The following NHLRC2 variants were observed in gnomAD, a reference collection of about 807,000 sequenced individuals.
NHLRC2 encodes NHL repeat containing 2.
Under a neutral mutation model 68.1 loss-of-function variants are expected in NHLRC2, and 33 were observed. The ratio of observed to expected loss-of-function variants is 0.48; its 90% CI spans 0.37 to 0.65. The LOEUF (loss-of-function observed/expected upper bound fraction) is 0.65. Ranked by LOEUF, NHLRC2 falls within the 30% of genes least tolerant of loss-of-function variation. The pLI is 0.00. For synonymous variants in NHLRC2, 311 were observed against 309.6 expected (o/e 1.00, Z -0.05); for missense variants, 761 against 853.8 (o/e 0.89, Z 1.35).
intron 1 of NHLRC2, 49 bp from the exon 2 acceptor site, chr10:113,858,479 A>G (rs1845782675): frequency 1.5e-6 from 2 of 1,376,796 alleles, no homozygotes; most frequent in African/African-American, 2.9e-5. Context: ...TTTTAGGTAA[A>G]TTTTATCTTT....
At chr10:113,896,886 C>T (rs1378802029) in intron 5 of NHLRC2, among the ~76,000 whole-genome samples, 3 of 150,702 alleles carry the variant, frequency 2.0e-5, no homozygotes, top group African/African-American at 4.9e-5. Flanking sequence ...CCCAGCTACT[C>T]GGGAGGCTGA....
chr10:113,879,507 T>G, intron 3 of NHLRC2, 67 bp from the exon 4 acceptor site: 2 of 1,287,366 alleles, frequency 1.6e-6, no homozygotes, highest in African/African-American at 1.5e-5. Flanking sequence ...TAAATACAAG[T>G]TTGTTTTGTT....
At chr10:113,876,368 T>G (rs1445412455) in intron 2 of NHLRC2, among the ~76,000 whole-genome samples, 153 bp from the exon 3 acceptor site, 1 of 152,164 alleles carries the variant, frequency 6.6e-6, no homozygotes, top group Non-Finnish European at 1.5e-5. Flanking sequence ...TTATGTGTGT[T>G]AAAATGCAGT....
At chr10:113,883,910 A>G (rs928999410) in intron 4 of NHLRC2, among the ~76,000 whole-genome samples, 4 of 151,848 alleles carry the variant, frequency 2.6e-5, no homozygotes, top group Non-Finnish European at 4.4e-5. Context: ...TGTGCATTTA[A>G]TTTTTAGAAA....
At chr10:113,877,761 T>TC (rs541649672) in intron 3 of NHLRC2, among the ~76,000 whole-genome samples, 63 of 152,300 alleles carry the variant, frequency 4.1e-4, no homozygotes, top group African/African-American at 1.4e-3. Flanking sequence ...AGTAGAAATG[T>TC]CTGTGTTCCT....
chr10:113,901,772 T>C lies in NHLRC2; in HGVS notation c.1246T>C (p.Ser416Pro). Residue 416 changes from serine to proline, a missense_variant, in exon 7 of 11, where the codon TCC becomes CCC. Ser to Pro is a moderately conservative substitution (Grantham distance 74, BLOSUM62 -1). Transcript: ENST00000369301. ...KAGFAQPSGL[S>P]LASEDPWSCL... ...AGGTTTTGCCCAACCTTCAGGCCTT[T>C]CCTTGGCCTCTGAAGATCCCTGGAG... The C allele has an allele frequency of 6.2e-7, 1 of 1,614,008 alleles. No individual in the cohort carries two copies. The highest frequency in any genetic ancestry group is 8.5e-7 in the Non-Finnish European group (1 of 1,179,854).
intron 8 of NHLRC2, 116 bp downstream of exon 8, chr10:113,902,709 C>A: frequency 1.1e-6 from 1 of 874,830 alleles, no homozygotes; most frequent in Non-Finnish European, 1.8e-6. Flanking sequence ...GAGTAACAGT[C>A]TTTGACAACT....
chr10:113,862,072 A>T (rs1845821024), intron 2 of NHLRC2, among the ~76,000 whole-genome samples: 1 of 151,968 alleles, frequency 6.6e-6, no homozygotes, highest in Non-Finnish European at 1.5e-5. Flanking sequence ...GACAGGTTTT[A>T]CTATGTTGGC....
intron 2 of NHLRC2, among the ~76,000 whole-genome samples, chr10:113,865,287 C>A (rs374282759): frequency 3.6e-5 from 5 of 139,686 alleles, no homozygotes; most frequent in Non-Finnish European, 7.8e-5. Context: ...TTCATCCCCC[C>A]CCCCCGTTCC....
rs974123934 is a variant in NHLRC2 at position 113,854,761 on chromosome 10, T to C, written c.-112T>C. ...TGTCATTGGCGTGGAGTGGGGCTAG[T>C]GGAGGGTGAGGTGAATGCGCCGTTT... On this transcript the variant is annotated 5_prime_UTR_variant, in exon 1 of 11. Transcript: ENST00000369301. 6.2e-6 allele frequency: 5 copies of C among 809,280 alleles called. No individual in the cohort carries two copies. Among genetic ancestry groups the C allele is most frequent in the Non-Finnish European group, 9.5e-6 (5 of 525,112 alleles). 50.1% of individuals were successfully genotyped at this position (809,280 alleles called of 1,614,324 possible). A position where few individuals can be genotyped will look rare whatever the true frequency, so the allele number is the denominator to read the frequency against.
intron 5 of NHLRC2, among the ~76,000 whole-genome samples, chr10:113,895,173 A>G (rs1274714258): frequency 2.0e-5 from 3 of 152,228 alleles, no homozygotes; most frequent in East Asian, 3.8e-4. Context: ...GAGATGAATC[A>G]TTAGTACTAT....
intron 1 of NHLRC2, among the ~76,000 whole-genome samples, chr10:113,855,790 C>T (rs1459860406): frequency 1.3e-5 from 2 of 152,192 alleles, no homozygotes; most frequent in African/African-American, 4.8e-5. Context: ...TGAGCCACCG[C>T]GCCCGGCCTG....
In NHLRC2 at chr10:113,903,658, T is replaced by C. The variant is rs780308376; in HGVS notation, c.1626T>C (p.Asn542=). ...NEPGGLCIGE[N]GELLYVADTN... ...CAGGAGGCTTGTGTATTGGAGAGAATGGAGAATTATTATATGTAGCAGACA... is the reference window on the plus strand; with the variant it reads ...CAGGAGGCTTGTGTATTGGAGAGAACGGAGAATTATTATATGTAGCAGACA... Residue 542 remains asparagine (N), a synonymous_variant, in exon 9 of 11, where the codon AAT becomes AAC. Transcript: ENST00000369301. 1 of 1,605,822 alleles carries C rather than the reference T, an allele frequency of 6.2e-7. No homozygotes were observed. Among genetic ancestry groups the C allele is most frequent in the East Asian group, 2.2e-5 (1 of 44,736 alleles).
chr10:113,862,484 C>CAA (rs538717470), intron 2 of NHLRC2, among the ~76,000 whole-genome samples: 11 of 130,930 alleles, frequency 8.4e-5, no homozygotes, highest in South Asian at 4.8e-4. Flanking sequence ...ATCAACTAAA[C>CAA]AAAAAAAAAA....
intron 2 of NHLRC2, among the ~76,000 whole-genome samples, chr10:113,862,115 T>G (rs1243420760): frequency 6.6e-6 from 1 of 152,170 alleles, no homozygotes; most frequent in Non-Finnish European, 1.5e-5. Flanking sequence ...CCTCACATGA[T>G]TCGCCCATCT....
intron 4 of NHLRC2, among the ~76,000 whole-genome samples, chr10:113,880,044 C>G (rs1427114427): frequency 6.6e-6 from 1 of 151,980 alleles, no homozygotes; most frequent in Admixed American, 6.6e-5. Context: ...GAAAAAAAAT[C>G]CTACCATTCC....
intron 10 of NHLRC2, among the ~76,000 whole-genome samples, chr10:113,905,815 T>C (rs530200405): frequency 6.6e-6 from 1 of 152,262 alleles, no homozygotes; most frequent in East Asian, 1.9e-4. Flanking sequence ...GGCCTGCAAT[T>C]ATAATATCAA....
intron 6 of NHLRC2, among the ~76,000 whole-genome samples, chr10:113,899,538 G>T (rs1279735450): frequency 2.0e-5 from 3 of 152,188 alleles, no homozygotes; most frequent in Non-Finnish European, 1.5e-5. Context: ...ACAATGAAAA[G>T]ATGTGGTTGT....
At chr10:113,886,074 T>A (rs1846080197) in intron 5 of NHLRC2, among the ~76,000 whole-genome samples, 1 of 152,074 alleles carries the variant, frequency 6.6e-6, no homozygotes, top group Non-Finnish European at 1.5e-5. Flanking sequence ...CAAAAATTAA[T>A]AGTGTTTCTA....
Sources: allele counts gnomAD v4.1 joint callset (sites outside exome capture counted in the v4.1 genomes callset), GRCh38; gene constraint gnomAD v4.1.1; transcripts MANE v1.5; gene names NCBI Gene and HGNC (gene_info 2026-07-23, HGNC 2026-07-21).